The following DYNC2H1 variants were observed in gnomAD, a reference collection of about 807,000 sequenced individuals.
DYNC2H1 encodes dynein cytoplasmic 2 heavy chain 1.
DYNC2H1 carries 410 observed loss-of-function variants against 570.0 expected under a neutral mutation model. The ratio of observed to expected loss-of-function variants is 0.72; its 90% CI spans 0.66 to 0.78. DYNC2H1 has a LOEUF of 0.78. Ranked by LOEUF, DYNC2H1 falls within the 30% of genes least tolerant of loss-of-function variation. DYNC2H1 has a pLI of 0.00. For missense variants in DYNC2H1, 4,865 were observed against 5,046.4 expected, an observed-to-expected ratio of 0.96 and a Z score of 1.09; for synonymous variants, 1,688 against 1,677.6, an observed-to-expected ratio of 1.01 and a Z score of -0.15.
rs574634348 is a variant in DYNC2H1 at position 103,349,402 on chromosome 11, G to A, written c.12040-8841G>A. Among the ~76,000 whole-genome samples the A allele has an allele frequency of 1.2e-4, 18 of 152,080 alleles. No individual in the cohort carries two copies. The South Asian group carries it at 3.7e-3, about 32-fold the overall frequency. On this transcript the variant is annotated intron_variant, in intron 82 of 88. Transcript: ENST00000375735. ...GTTCCGTGTGTCTTATTTGTATTTT[G>A]ATAAATAACAAAAGTATATTTTTAC...
intron 15 of DYNC2H1, among the ~76,000 whole-genome samples, chr11:103,134,997 T>C (rs991122530): frequency 3.3e-5 from 5 of 152,140 alleles, no homozygotes; most frequent in Non-Finnish European, 7.4e-5. Context: ...GCAAAAGTAC[T>C]ACTAGAATGG....
At position 103,252,373 on chromosome 11, in the gene DYNC2H1, A is replaced by G. The variant is rs1204886073; in HGVS notation, c.10043-912A>G. Reference sequence around the variant, plus strand: ...TTATTTCCTTTGGGCATATACCCAGAAAAAAGATTGCTGGGTCATATGGTA... The same window carrying G: ...TTATTTCCTTTGGGCATATACCCAGGAAAAAGATTGCTGGGTCATATGGTA... On this transcript the variant is annotated intron_variant, in intron 65 of 88. Coordinates refer to ENST00000375735, the MANE Select transcript of DYNC2H1 (RefSeq NM_001377.3). This position sits in a 1 kb window ranked among gnomAD's most constrained non-coding sequence, Gnocchi z 4.6. 6.6e-6 allele frequency among the ~76,000 whole-genome samples: 1 copy of G among 152,150 alleles called. No homozygotes were observed. The highest frequency in any genetic ancestry group is 1.5e-5 in the Non-Finnish European group (1 of 68,034).
intron 19 of DYNC2H1, 39 bp downstream of exon 19, chr11:103,147,926 A>G: frequency 2.9e-6 from 4 of 1,367,792 alleles, no homozygotes; most frequent in Non-Finnish European, 3.1e-6. Context: ...ACTTAATTTG[A>G]TATGTAGAAG....
chr11:103,398,017 A>G (rs1942468950), intron 83 of DYNC2H1, among the ~76,000 whole-genome samples: 1 of 152,364 alleles, frequency 6.6e-6, no homozygotes, highest in South Asian at 2.1e-4. Context: ...AGTGCAAACA[A>G]TGCTATCAAC....
At chr11:103,467,844 T>A (rs1422826946) in intron 87 of DYNC2H1, among the ~76,000 whole-genome samples, 2 of 152,136 alleles carry the variant, frequency 1.3e-5, no homozygotes, top group Non-Finnish European at 2.9e-5. Flanking sequence ...GCCGGCACTG[T>A]ACACTTTAAG....
chr11:103,371,929 T>TG (rs1941167750), intron 83 of DYNC2H1, among the ~76,000 whole-genome samples: 1 of 42,378 alleles, frequency 2.4e-5, no homozygotes, highest in East Asian at 6.7e-4. Flanking sequence ...CCATTTGGGT[T>TG]TTTTTTTTTT....
chr11:103,316,434 G>A, intron 79 of DYNC2H1, 111 bp from the exon 80 acceptor site: 1 of 649,390 alleles, frequency 1.5e-6, no homozygotes. Context: ...ATTCTCAGGA[G>A]TTATATATTT....
chr11:103,122,833 T>A lies in DYNC2H1; in HGVS notation c.1494T>A (p.Asp498Glu). The change falls in exon 11 of 89, where the codon GAT (aspartate) becomes GAA (glutamate). Residue 498 changes from aspartate (D) to glutamate (E), a missense_variant. Asp to Glu is a conservative substitution (Grantham distance 45). This residue lies in a region of DYNC2H1 where 1,936 missense variants were observed against 1,962.1 expected (regional missense o/e 0.99). Transcript: ENST00000375735. ...TAATTTGGCTTTTTAAGGTAGATGA[T>A]ACTATCAAGATTGCAGAGGCTCTTT... is the stretch of plus-strand genomic sequence containing the variant. Reference protein sequence around the residue: ...WVRQLELKVDDTIKIAEALLS... With the variant: ...WVRQLELKVDETIKIAEALLS... 1 of 1,612,710 alleles carries A rather than the reference T, an allele frequency of 6.2e-7. No individual in the cohort carries two copies. The highest frequency in any genetic ancestry group is 8.5e-7 in the Non-Finnish European group (1 of 1,179,268).
intron 85 of DYNC2H1, among the ~76,000 whole-genome samples, chr11:103,440,930 C>T (rs1944246215): frequency 6.6e-6 from 1 of 152,176 alleles, no homozygotes; most frequent in African/African-American, 2.4e-5. Context: ...AACTAGAGTC[C>T]TGCTTCCACC....
chr11:103,459,578 G>C (rs1038621149), intron 87 of DYNC2H1, among the ~76,000 whole-genome samples: 2 of 152,060 alleles, frequency 1.3e-5, no homozygotes, highest in East Asian at 3.9e-4. Flanking sequence ...CAATGGTATA[G>C]TGTGCCAGAA....
At position 103,128,972 on chromosome 11, in the gene DYNC2H1, A is replaced by G; in HGVS notation, c.1920A>G (p.Leu640=). 2 of 1,605,382 alleles carry G rather than the reference A, an allele frequency of 1.2e-6. No homozygotes were observed. The highest frequency in any genetic ancestry group is 1.7e-6 in the Non-Finnish European group (2 of 1,176,792). The part of the protein sequence containing the change: ...QMIQSQRPMM[L]QSALAFEQII... The stretch of plus-strand genomic sequence containing the variant: ...TTCAAAGTCAGAGGCCAATGATGTT[A>G]CAATCTGCCTTAGCATTTGAACAGA... Residue 640 remains leucine (L), a synonymous_variant, in exon 13 of 89, where the codon TTA becomes TTG. Transcript: ENST00000375735.
At chr11:103,159,931 G>C (rs1861015591) in intron 28 of DYNC2H1, among the ~76,000 whole-genome samples, 1 of 152,086 alleles carries the variant, frequency 6.6e-6, no homozygotes, top group African/African-American at 2.4e-5. Context: ...TTCATGCTAT[G>C]AATGCAGAGT....
intron 84 of DYNC2H1, among the ~76,000 whole-genome samples, chr11:103,422,732 A>G (rs993697514): frequency 6.6e-6 from 1 of 152,166 alleles, no homozygotes; most frequent in African/African-American, 2.4e-5. Context: ...GTGATGTAAT[A>G]ATGAATGGGC....
chr11:103,399,556 A>C, intron 83 of DYNC2H1, 107 bp from the exon 84 acceptor site: 1 of 749,400 alleles, frequency 1.3e-6, no homozygotes, highest in African/African-American at 1.8e-5. Flanking sequence ...ATTTCAAAAT[A>C]GTTTTTAAAA....
At chr11:103,225,436 A>G (rs637091) in intron 59 of DYNC2H1, among the ~76,000 whole-genome samples, 115,019 of 152,024 alleles carry the variant, frequency 0.76, 44,041 homozygotes, top group Admixed American at 0.83. Flanking sequence ...GTATAGGGTG[A>G]GAGACGAGGA....
intron 70 of DYNC2H1, among the ~76,000 whole-genome samples, chr11:103,263,001 A>T (rs2135282347): frequency 7.5e-6 from 1 of 133,390 alleles, no homozygotes; most frequent in African/African-American, 2.8e-5. Context: ...ATGGAGGAAT[A>T]TTTACCAAGC....
Position 103,450,381 on chromosome 11 carries a change from CA to C in DYNC2H1, c.12457-4804del, listed in dbSNP as rs148952055. ...AATATTTATAGAACATTAACAAAAG[CA>C]GAATGCGCATTCAAGTGCGCACAGG... On this transcript the variant is annotated intron_variant, in intron 85 of 88. Transcript: ENST00000375735. 4.9e-3 allele frequency among the ~76,000 whole-genome samples: 746 copies of C among 152,250 alleles called. 3 individuals carry two copies. The highest frequency in any genetic ancestry group is 0.017 in the African/African-American group (712 of 41,558).
intron 17 of DYNC2H1, among the ~76,000 whole-genome samples, chr11:103,142,497 T>C (rs1321889434): frequency 6.6e-6 from 1 of 152,078 alleles, no homozygotes; most frequent in Non-Finnish European, 1.5e-5. Flanking sequence ...TGGCGAAACA[T>C]CATCTTTATT....
At position 103,113,600 on chromosome 11, in the gene DYNC2H1, A is replaced by T. The variant is rs1366906695; in HGVS notation, c.259A>T (p.Thr87Ser). The change falls in exon 2 of 89, where the codon ACT becomes TCT. Residue 87 changes from threonine (T) to serine (S), a missense_variant. Physicochemically the swap from Thr to Ser is moderately conservative, Grantham distance 58. Around this residue, in one of 5 missense-constraint regions of DYNC2H1, gnomAD observed 1,936 missense variants for 1,962.1 expected, o/e 0.99. Transcript: ENST00000375735. The stretch of plus-strand genomic sequence containing the variant: ...TTTCAAGCTGCGACCTGAAGTAATT[A>T]CTGATGAGAATCTACATGATAACAT... ...VFFKLRPEVI[T>S]DENLHDNILV... is the part of the protein sequence containing the mutation. 8.9e-6 allele frequency: 14 copies of T among 1,577,374 alleles called. No individual in the cohort carries two copies. Among genetic ancestry groups the T allele is most frequent in the African/African-American group, 2.7e-5 (2 of 72,796 alleles).
Sources: gnomAD v4.1 joint callset for allele counts (sites outside exome capture counted in the v4.1 genomes callset) on GRCh38, gnomAD v4.1.1 for gene constraint, gnomAD v4.1.1 regional missense constraint, Gnocchi (gnomAD v3.1) non-coding constraint, MANE v1.5 for transcripts, NCBI Gene and HGNC (gene_info 2026-07-23, HGNC 2026-07-21) for gene names.